TMEM229B: variants seen among roughly 807,000 people sequenced by gnomAD.
The protein encoded by TMEM229B is transmembrane protein 229B, also known as chromosome 14 open reading frame 83.
In TMEM229B, 6 loss-of-function variants were observed where a neutral mutation model predicts 13.7. That is an observed-to-expected ratio of 0.44 (90% CI 0.24 to 0.86). TMEM229B has a LOEUF of 0.86. Ranked by LOEUF, TMEM229B falls within the 40% of genes least tolerant of loss-of-function variation. The pLI, the probability that TMEM229B is intolerant of heterozygous loss-of-function variation, is 0.23. For synonymous variants in TMEM229B, 107 were observed against 102.1 expected, an observed-to-expected ratio of 1.05 and a Z score of -0.29; for missense variants, 170 against 236.0, an observed-to-expected ratio of 0.72 and a Z score of 1.83.
At chr14:67,491,579 C>T (rs2140147781), upstream of TMEM229B, among the ~76,000 whole-genome samples, 1 of 152,280 alleles carries the variant, frequency 6.6e-6, no homozygotes, top group Non-Finnish European at 1.5e-5. Flanking sequence ...ATGACAGGGA[C>T]CCGGGACAAA....
intron 2 of TMEM229B, among the ~76,000 whole-genome samples, chr14:67,474,366 A>C (rs8011563): frequency 0.62 from 94,550 of 151,962 alleles, 30,721 homozygotes; most frequent in African/African-American, 0.81. Flanking sequence ...TGTACTCCCT[A>C]GAGCTTTTTT....
At chr14:67,480,124 G>C (rs899024729) in intron 2 of TMEM229B, among the ~76,000 whole-genome samples, 3 of 152,146 alleles carry the variant, frequency 2.0e-5, no homozygotes, top group African/African-American at 7.2e-5. Context: ...TACAGCTAAG[G>C]CTCCAGAAAG....
chr14:67,478,329 T>C (rs1176079310), intron 2 of TMEM229B, among the ~76,000 whole-genome samples: 4 of 152,248 alleles, frequency 2.6e-5, no homozygotes, highest in Non-Finnish European at 5.9e-5. Context: ...CCAAGTCAGC[T>C]ACTAACTCCC....
intron 1 of TMEM229B, chr14:67,503,544 C>A (rs1239465625): frequency 6.6e-6 from 1 of 152,184 alleles, no homozygotes; most frequent in Non-Finnish European, 1.5e-5. Flanking sequence ...GCATGGCTGC[C>A]CACTGCCCTG....
At chr14:67,492,328 G>C (rs1180699360), upstream of TMEM229B, among the ~76,000 whole-genome samples, 1 of 152,212 alleles carries the variant, frequency 6.6e-6, no homozygotes, top group East Asian at 1.9e-4. Flanking sequence ...TTACTGTAAA[G>C]AGCTGCCTCA....
chr14:67,515,521 T>A (rs2033179994), upstream of TMEM229B: 1 of 155,724 alleles, frequency 6.4e-6, no homozygotes, highest in Non-Finnish European at 1.4e-5. Context: ...CTTAACTCCT[T>A]GCTCGCCCGC....
upstream of TMEM229B, among the ~76,000 whole-genome samples, chr14:67,520,318 C>T (rs2033272195): frequency 6.6e-6 from 1 of 152,162 alleles, no homozygotes; most frequent in South Asian, 2.1e-4. Context: ...CCATAAATGT[C>T]CTCTGTGCTT....
rs2030741943 is a variant in TMEM229B, at chr14:67,471,768, C to G, written c.*1652G>C. ...CACCCCACCACACCCTGCACCCCAC[C>G]ACACCCTGCACAGTATGGGCAGGGC... On this transcript the variant is annotated 3_prime_UTR_variant, in exon 3 of 3. Transcript: ENST00000554480. 2 of 152,354 alleles carry G rather than the reference C, an allele frequency of 1.3e-5. No homozygotes were observed. The highest frequency in any genetic ancestry group is 4.1e-4 in the South Asian group (2 of 4,838). 9.4% of individuals were successfully genotyped at this position (152,354 alleles called of 1,614,324 possible).
chr14:67,509,226 T>C (rs555154784), intron 1 of TMEM229B, among the ~76,000 whole-genome samples: 1 of 152,332 alleles, frequency 6.6e-6, no homozygotes, highest in South Asian at 2.1e-4. Flanking sequence ...GGTACAGACC[T>C]CTCCTTACTG....
chr14:67,496,391 G>GTGTTTTT (rs2032369659), intron 1 of TMEM229B, among the ~76,000 whole-genome samples: 7 of 30,106 alleles, frequency 2.3e-4, no homozygotes, highest in East Asian at 2.4e-3. Flanking sequence ...CTGCTCCGGC[G>GTGTTTTT]TTTTTTTTTT....
At chr14:67,508,753 C>CAAAAAA (rs757183130) in intron 1 of TMEM229B, among the ~76,000 whole-genome samples, 533 of 46,652 alleles carry the variant, frequency 0.011, 52 homozygotes, top group Non-Finnish European at 0.02. Context: ...AACCTTGTCT[C>CAAAAAA]AAAAAAAAAA....
chr14:67,501,699 C>A (rs1166958252), intron 1 of TMEM229B, among the ~76,000 whole-genome samples: 1 of 152,200 alleles, frequency 6.6e-6, no homozygotes, highest in Non-Finnish European at 1.5e-5. Context: ...CCAAAGGCAT[C>A]TCTGTTGAGG....
intron 1 of TMEM229B, chr14:67,503,562 T>C (rs2032695256): frequency 6.6e-6 from 1 of 152,168 alleles, no homozygotes; most frequent in East Asian, 1.9e-4. Context: ...CTGCGGGAAA[T>C]GACAGAGGGT....
chr14:67,517,992 G>T (rs1240657422), upstream of TMEM229B, among the ~76,000 whole-genome samples: 1 of 152,124 alleles, frequency 6.6e-6, no homozygotes, highest in African/African-American at 2.4e-5. Context: ...TAACAGTAAG[G>T]GGCCCCCCTG....
intron 1 of TMEM229B, among the ~76,000 whole-genome samples, chr14:67,512,082 T>C (rs931568135): frequency 2.6e-5 from 4 of 152,250 alleles, no homozygotes; most frequent in African/African-American, 7.2e-5. Context: ...CTTTATCTTA[T>C]AGCAGAAAAG....
chr14:67,496,398 T>TTTTTG (rs2032375427), intron 1 of TMEM229B, among the ~76,000 whole-genome samples: 3 of 120,874 alleles, frequency 2.5e-5, no homozygotes, highest in South Asian at 6.7e-4. Context: ...GGCGTTTTTT[T>TTTTTG]TTTTTTTTTT....
At chr14:67,499,559 C>T (rs1473888578) in intron 1 of TMEM229B, among the ~76,000 whole-genome samples, 5 of 152,118 alleles carry the variant, frequency 3.3e-5, no homozygotes, top group African/African-American at 9.7e-5. Context: ...AAATAGGTGC[C>T]AGGCTTGGTC....
intron 2 of TMEM229B, among the ~76,000 whole-genome samples, chr14:67,485,167 A>T (rs2031801101): frequency 6.6e-6 from 1 of 152,232 alleles, no homozygotes; most frequent in South Asian, 2.1e-4. Flanking sequence ...ACCAAACGGT[A>T]CAACAGCCTT....
intron 1 of TMEM229B, among the ~76,000 whole-genome samples, chr14:67,503,876 G>A (rs1594708226): frequency 6.6e-6 from 1 of 151,606 alleles, no homozygotes. Flanking sequence ...GTTAATTTTT[G>A]TATTTTTAGT....
Sources: allele counts gnomAD v4.1 joint callset (sites outside exome capture counted in the v4.1 genomes callset), GRCh38; gene constraint gnomAD v4.1.1; transcripts MANE v1.5; gene names NCBI Gene and HGNC (gene_info 2026-07-23, HGNC 2026-07-21).